The following RHOBTB3 variants were observed in gnomAD, a reference collection of about 807,000 sequenced individuals.
The protein encoded by RHOBTB3 is Rho related BTB domain containing 3.
A neutral mutation model predicts 67.2 loss-of-function variants in RHOBTB3; 47 were observed. The ratio of observed to expected loss-of-function variants is 0.70; its 90% CI spans 0.55 to 0.89. The LOEUF (loss-of-function observed/expected upper bound fraction) is 0.89, where lower values mean the gene tolerates loss of function less well. Among genes scored for constraint, RHOBTB3 ranks in the 40% least tolerant of loss-of-function variants. The probability of loss-of-function intolerance (pLI) is 0.00; values close to 1 mark genes in which losing one functional copy is unlikely to be tolerated. For missense variants in RHOBTB3, 631 were observed against 750.0 expected, an observed-to-expected ratio of 0.84 and a Z score of 1.85; for synonymous variants, 273 against 274.2, an observed-to-expected ratio of 1.00 and a Z score of 0.04.
intron 8 of RHOBTB3, chr5:95,770,585 C>T: frequency 2.2e-6 from 1 of 449,466 alleles, no homozygotes; most frequent in Non-Finnish European, 4.5e-6. Context: ...GTGAGAACTG[C>T]TTTATTAGAT....
At chr5:95,765,445 A>T (rs1296897270) in intron 7 of RHOBTB3, among the ~76,000 whole-genome samples, 1 of 152,242 alleles carries the variant, frequency 6.6e-6, no homozygotes, top group Non-Finnish European at 1.5e-5. Flanking sequence ...GTTATTTCAC[A>T]CCTTCTTCCT....
chr5:95,764,793 G>A (rs1030000801), intron 7 of RHOBTB3, among the ~76,000 whole-genome samples: 2 of 151,946 alleles, frequency 1.3e-5, no homozygotes, highest in African/African-American at 4.8e-5. Context: ...CTAGCTTTTA[G>A]TGAAGATTCT....
chr5:95,759,831 G>A (rs1019437401), intron 6 of RHOBTB3, among the ~76,000 whole-genome samples: 5 of 152,166 alleles, frequency 3.3e-5, no homozygotes, highest in East Asian at 1.9e-4. Flanking sequence ...GTTTGTTTGT[G>A]TTCCCATCAG....
At chr5:95,731,065 C>A, upstream of RHOBTB3, 1 of 1,095,184 alleles carries the variant, frequency 9.1e-7, no homozygotes, top group Non-Finnish European at 1.1e-6. Context: ...GCGAGTTGAA[C>A]AAACTTGCTG....
Position 95,732,070 on chromosome 5 carries a change from G to A in RHOBTB3, c.214G>A (p.Asp72Asn). The A allele has an allele frequency of 1.2e-6, 2 of 1,614,142 alleles. No individual in the cohort carries two copies. Among genetic ancestry groups the A allele is most frequent in the Non-Finnish European group, 1.7e-6 (2 of 1,179,992 alleles). ...TGGGAATGTCAAGCTGGTGGTCCAC[G>A]ACTGTCCCGTCTGGGTAAGGAAGAG... ...AFGNVKLVVH[D>N]CPVWDIFDSD... Residue 72 changes from aspartate to asparagine, a missense_variant, in exon 2 of 12, where the codon GAC (aspartate) becomes AAC (asparagine). Physicochemically the swap from Asp to Asn is conservative, Grantham distance 23. Coordinates refer to ENST00000379982, the MANE Select transcript of RHOBTB3 (RefSeq NM_014899.4).
At chr5:95,774,347 G>C (rs968670135) in intron 8 of RHOBTB3, among the ~76,000 whole-genome samples, 1 of 152,144 alleles carries the variant, frequency 6.6e-6, no homozygotes, top group Non-Finnish European at 1.5e-5. Context: ...TTAGAAAAAG[G>C]GGTTGGGAAA....
intron 3 of RHOBTB3, among the ~76,000 whole-genome samples, chr5:95,744,981 G>C (rs1744828627): frequency 6.6e-6 from 1 of 152,006 alleles, no homozygotes; most frequent in African/African-American, 2.4e-5. Context: ...TGAGGTGGGA[G>C]GATCACTTGA....
chr5:95,746,133 G>A (rs1355659850), intron 3 of RHOBTB3, among the ~76,000 whole-genome samples: 3 of 152,040 alleles, frequency 2.0e-5, no homozygotes, highest in African/African-American at 7.3e-5. Flanking sequence ...GAGATACAGG[G>A]GCACTTTCTA....
intron 3 of RHOBTB3, among the ~76,000 whole-genome samples, chr5:95,745,237 T>G (rs1263879797): frequency 6.8e-6 from 1 of 147,496 alleles, no homozygotes; most frequent in Non-Finnish European, 1.5e-5. Flanking sequence ...CTCAGCTTCT[T>G]GAAATTCTTT....
chr5:95,763,718 A>G (rs1032987680), intron 7 of RHOBTB3, 98 bp downstream of exon 7: 30 of 677,668 alleles, frequency 4.4e-5, no homozygotes, highest in African/African-American at 4.2e-4. Context: ...AGAGTCAAAT[A>G]CTGTATAAAT....
intron 2 of RHOBTB3, 126 bp downstream of exon 2, chr5:95,732,210 C>T (rs1340959882): frequency 1.2e-6 from 1 of 831,020 alleles, no homozygotes; most frequent in Admixed American, 2.1e-5. Flanking sequence ...AATTTTTAAA[C>T]ATTTTTGAGA....
At position 95,743,188 on chromosome 5, in the gene RHOBTB3, C is replaced by T. The variant is rs112212331; in HGVS notation, c.416-5145C>T. ...TTTTAAGATGGCATTATAAGTCGTT[C>T]TACTTGATGAGATTTTATTTTATGG... On this transcript the variant is annotated intron_variant, in intron 3 of 11. Coordinates refer to ENST00000379982, the MANE Select transcript of RHOBTB3 (RefSeq NM_014899.4). Among the ~76,000 whole-genome samples the T allele has an allele frequency of 4.6e-5, 7 of 152,286 alleles. 1 individual carries two copies. The highest frequency in any genetic ancestry group is 1.7e-4 in the African/African-American group (7 of 41,544).
Position 95,731,868 on chromosome 5 carries a change from C to T in RHOBTB3, c.12C>T (p.His4=), listed in dbSNP as rs548652419. Residue 4 remains histidine (H), a synonymous_variant, in exon 2 of 12, where the codon CAC becomes CAT. Transcript: ENST00000379982. MSI[H]IVALGNEGDT... ...CCCTCTGTCCGTGCAGGTCCATCCA[C>T]ATCGTGGCGCTGGGGAACGAGGGGG... The T allele has an allele frequency of 2.7e-5, 44 of 1,612,890 alleles. No individual in the cohort carries two copies. The South Asian group carries it at 4.6e-4, about 17-fold the overall frequency.
At chr5:95,754,723 C>G (rs1426962058) in intron 5 of RHOBTB3, among the ~76,000 whole-genome samples, 1 of 152,146 alleles carries the variant, frequency 6.6e-6, no homozygotes, top group East Asian at 1.9e-4. Context: ...GTTATATTCT[C>G]TTTTAGAAAT....
intron 7 of RHOBTB3, among the ~76,000 whole-genome samples, chr5:95,767,290 T>A (rs1216017265): frequency 6.6e-6 from 1 of 152,068 alleles, no homozygotes; most frequent in African/African-American, 2.4e-5. Context: ...AATGTTAAGC[T>A]AGTAAGTAGA....
At chr5:95,724,355 G>A (rs921830764) in intron 1 of RHOBTB3, among the ~76,000 whole-genome samples, 25 of 152,334 alleles carry the variant, frequency 1.6e-4, no homozygotes, top group African/African-American at 6.0e-4. Flanking sequence ...CTAATCAGAA[G>A]TGTAATACAT....
intron 3 of RHOBTB3, among the ~76,000 whole-genome samples, chr5:95,738,203 C>T (rs1429695983): frequency 2.0e-5 from 3 of 152,152 alleles, no homozygotes; most frequent in Admixed American, 2.0e-4. Context: ...TTAGTAGATA[C>T]AAGTAAGGCA....
chr5:95,760,364 C>T (rs1745363267), intron 6 of RHOBTB3, among the ~76,000 whole-genome samples: 2 of 152,180 alleles, frequency 1.3e-5, no homozygotes, highest in Admixed American at 6.5e-5. Flanking sequence ...TATGGTTGCA[C>T]ATTCTTGAGT....
chr5:95,778,250 G>A (rs1745949363), intron 8 of RHOBTB3, among the ~76,000 whole-genome samples: 1 of 152,126 alleles, frequency 6.6e-6, no homozygotes, highest in African/African-American at 2.4e-5. Context: ...TGTAACCTAT[G>A]AGTATCCTCC....
Sources: allele counts gnomAD v4.1 joint callset (sites outside exome capture counted in the v4.1 genomes callset), GRCh38; gene constraint gnomAD v4.1.1; transcripts MANE v1.5; gene names NCBI Gene and HGNC (gene_info 2026-07-23, HGNC 2026-07-21).